GRIK2: variants seen among roughly 807,000 people sequenced by gnomAD.
GRIK2 encodes the protein glutamate ionotropic receptor kainate type subunit 2.
A neutral mutation model predicts 100.3 loss-of-function variants in GRIK2; 32 were observed. The ratio of observed to expected loss-of-function variants is 0.32; its 90% CI spans 0.24 to 0.43. GRIK2 has a LOEUF of 0.43. Ranked by LOEUF, GRIK2 falls within the 20% of genes least tolerant of loss-of-function variation. The pLI, the probability that GRIK2 is intolerant of heterozygous loss-of-function variation, is 1.00. For missense variants in GRIK2, 843 were observed against 1,114.9 expected (o/e 0.76, Z 3.47); for synonymous variants, 417 against 389.4 (o/e 1.07, Z -0.83).
intron 2 of GRIK2, among the ~76,000 whole-genome samples, chr6:101,510,430 T>C (rs147244448): frequency 6.6e-6 from 1 of 151,972 alleles, no homozygotes; most frequent in East Asian, 1.9e-4. Context: ...GTTCCCACAT[T>C]CTCAGCAAAA....
intron 3 of GRIK2, among the ~76,000 whole-genome samples, chr6:101,625,460 T>G (rs1354030873): frequency 6.6e-6 from 1 of 151,848 alleles, no homozygotes; most frequent in Non-Finnish European, 1.5e-5. Flanking sequence ...CTATTTTTTT[T>G]CTAATTCCCC....
At chr6:101,589,706 T>G in intron 2 of GRIK2, among the ~76,000 whole-genome samples, 1 of 152,118 alleles carries the variant, frequency 6.6e-6, no homozygotes, top group East Asian at 1.9e-4. Flanking sequence ...TATTGGTTTT[T>G]ATTTTTTTGA....
At chr6:101,511,684 C>G (rs1774325376) in intron 2 of GRIK2, among the ~76,000 whole-genome samples, 1 of 151,856 alleles carries the variant, frequency 6.6e-6, no homozygotes, top group South Asian at 2.1e-4. Flanking sequence ...TGGCTAAGAT[C>G]AAGTGAAAAT....
chr6:101,494,634 A>G (rs1367968526), intron 2 of GRIK2, among the ~76,000 whole-genome samples: 1 of 151,886 alleles, frequency 6.6e-6, no homozygotes, highest in East Asian at 1.9e-4. Context: ...AATACTTCAT[A>G]TTATGTAATA....
intron 2 of GRIK2, among the ~76,000 whole-genome samples, chr6:101,445,354 C>T (rs1238060615): frequency 6.7e-6 from 1 of 149,654 alleles, no homozygotes. Flanking sequence ...TGAACATATT[C>T]CATATCCGAG....
intron 9 of GRIK2, among the ~76,000 whole-genome samples, chr6:101,803,389 T>A (rs971070499): frequency 5.3e-4 from 81 of 151,944 alleles, no homozygotes; most frequent in African/African-American, 1.9e-3. Context: ...AAGACAGTTT[T>A]AAATACATTA....
intron 16 of GRIK2, among the ~76,000 whole-genome samples, chr6:102,061,234 C>T (rs1771735152): frequency 6.6e-6 from 1 of 150,380 alleles, no homozygotes; most frequent in Non-Finnish European, 1.5e-5. Flanking sequence ...AAAATAATAG[C>T]TTAATAGATA....
intron 14 of GRIK2, among the ~76,000 whole-genome samples, chr6:102,012,194 A>G (rs980644318): frequency 6.6e-6 from 1 of 151,916 alleles, no homozygotes; most frequent in African/African-American, 2.4e-5. Context: ...ATTTTGTTCT[A>G]TTGATCAACT....
intron 10 of GRIK2, among the ~76,000 whole-genome samples, chr6:101,841,566 G>T (rs890342816): frequency 6.6e-6 from 1 of 152,062 alleles, no homozygotes; most frequent in Admixed American, 6.6e-5. Flanking sequence ...GGTTTGCCAT[G>T]TTGGCCAGGC....
At chr6:101,599,929 G>C (rs1378975677) in intron 2 of GRIK2, among the ~76,000 whole-genome samples, 3 of 151,564 alleles carry the variant, frequency 2.0e-5, no homozygotes, top group Non-Finnish European at 4.4e-5. Flanking sequence ...GTAAATTTTT[G>C]TTTTTGTTGA....
rs573341064 is a variant in GRIK2, at chr6:101,427,221, G to T, written c.115+27829G>T. On this transcript the variant is annotated intron_variant, in intron 2 of 16. Coordinates refer to ENST00000369134, the MANE Select transcript of GRIK2 (RefSeq NM_021956.5). ...ACAACTAAATGTCAGCATTGGCCAG[G>T]TGCCTACTTCTTGACACCGCTCCTC... 2.0e-5 allele frequency among the ~76,000 whole-genome samples: 3 copies of T among 152,290 alleles called. No individual in the cohort carries two copies. The South Asian group carries it at 6.2e-4, about 32-fold the overall frequency.
At chr6:101,860,531 A>C (rs986586382) in intron 11 of GRIK2, among the ~76,000 whole-genome samples, 18 of 152,198 alleles carry the variant, frequency 1.2e-4, no homozygotes, top group African/African-American at 4.3e-4. Flanking sequence ...GCCCTATGGC[A>C]TCAAAAAGTG....
intron 2 of GRIK2, among the ~76,000 whole-genome samples, chr6:101,542,108 T>C (rs1340969438): frequency 6.6e-6 from 1 of 152,102 alleles, no homozygotes; most frequent in Non-Finnish European, 1.5e-5. Context: ...TTTTACTGTT[T>C]CCCGTGTTTC....
intron 2 of GRIK2, among the ~76,000 whole-genome samples, chr6:101,598,140 GCT>G (rs1039976325): frequency 6.6e-6 from 1 of 151,618 alleles, no homozygotes; most frequent in Admixed American, 6.6e-5. Flanking sequence ...TTTGGATAAT[GCT>G]CTCTCTCTTT....
intron 7 of GRIK2, among the ~76,000 whole-genome samples, chr6:101,781,901 T>G (rs1387988078): frequency 6.6e-6 from 1 of 152,084 alleles, no homozygotes; most frequent in Non-Finnish European, 1.5e-5. Context: ...AAGTCTGAGA[T>G]CAAAGTGCCA....
At chr6:101,591,398 T>A (rs1000981833) in intron 2 of GRIK2, among the ~76,000 whole-genome samples, 3 of 151,974 alleles carry the variant, frequency 2.0e-5, no homozygotes, top group Non-Finnish European at 2.9e-5. Flanking sequence ...CTACTCTTTA[T>A]CTGCCAAATC....
intron 14 of GRIK2, among the ~76,000 whole-genome samples, chr6:102,015,911 A>T (rs535643014): frequency 2.0e-5 from 3 of 152,236 alleles, no homozygotes; most frequent in African/African-American, 7.2e-5. Context: ...GGCACCCTTA[A>T]ATCTTCCAGT....
At chr6:101,509,972 A>G (rs1200303084) in intron 2 of GRIK2, among the ~76,000 whole-genome samples, 1 of 152,142 alleles carries the variant, frequency 6.6e-6, no homozygotes, top group East Asian at 1.9e-4. Flanking sequence ...ATTTTTTGCT[A>G]CTTGTTTAAG....
At chr6:101,760,373 T>G in intron 7 of GRIK2, among the ~76,000 whole-genome samples, 1 of 77,416 alleles carries the variant, frequency 1.3e-5, no homozygotes, top group African/African-American at 7.2e-5. Flanking sequence ...ATTATATATT[T>G]ATTATATATA....
Sources: gnomAD v4.1 joint callset for allele counts (sites outside exome capture counted in the v4.1 genomes callset) on GRCh38, gnomAD v4.1.1 for gene constraint, MANE v1.5 for transcripts, NCBI Gene and HGNC (gene_info 2026-07-23, HGNC 2026-07-21) for gene names.